PXMP4: variants seen among roughly 807,000 people sequenced by gnomAD.
PXMP4 encodes 24 kDa peroxisomal intrinsic membrane protein.
A neutral mutation model predicts 21.6 loss-of-function variants in PXMP4; 16 were observed. The ratio of observed to expected loss-of-function variants is 0.74; its 90% CI spans 0.50 to 1.13. The LOEUF is 1.13. PXMP4 is among the 50% of genes most tolerant of loss of function. The pLI, the probability that PXMP4 is intolerant of heterozygous loss-of-function variation, is 0.00. For synonymous variants in PXMP4, 127 were observed against 123.8 expected (o/e 1.03, Z -0.17); for missense variants, 240 against 277.7 (o/e 0.86, Z 0.96).
At position 33,710,773 on chromosome 20, in the gene PXMP4, C is replaced by T. The variant is rs1362800828; in HGVS notation, c.177-20G>A. The T allele has an allele frequency of 6.3e-7, 1 of 1,575,454 alleles. No homozygotes were observed. The highest frequency in any genetic ancestry group is 2.3e-5 in the East Asian group (1 of 43,606). On this transcript the variant is annotated intron_variant, in intron 2 of 3. Transcript: ENST00000409299. ...TGGAGGCTGCACAAACACAGGTGCCCCTGCCATGAGTGCAGGCTCAGCAGC... is the reference window on the plus strand; with the variant it reads ...TGGAGGCTGCACAAACACAGGTGCCTCTGCCATGAGTGCAGGCTCAGCAGC...
At chr20:33,713,905 T>C (rs568824487) in intron 2 of PXMP4, among the ~76,000 whole-genome samples, 1 of 151,696 alleles carries the variant, frequency 6.6e-6, no homozygotes, top group Non-Finnish European at 1.5e-5. Context: ...GACAGGAAGG[T>C]GAAGATGCTT....
At chr20:33,713,598 C>T (rs186742425) in intron 2 of PXMP4, among the ~76,000 whole-genome samples, 1 of 152,302 alleles carries the variant, frequency 6.6e-6, no homozygotes, top group African/African-American at 2.4e-5. Context: ...CCGTTTTGTT[C>T]ACTGCTGTAT....
In PXMP4 at chr20:33,705,049, G is replaced by A. The variant is rs1251103581; in HGVS notation, c.*2657C>T. The stretch of plus-strand genomic sequence containing the variant: ...CTTACTCTGTCACCCAGGCTGAAGT[G>A]TAATGGAACTATCTCGGCTCACAGC... On this transcript the variant is annotated 3_prime_UTR_variant, in exon 4 of 4. Coordinates refer to ENST00000409299, the MANE Select transcript of PXMP4 (RefSeq NM_007238.5). The A allele has an allele frequency of 4.3e-5, 6 of 140,726 alleles. No individual in the cohort carries two copies. In the East Asian group the frequency reaches 1.2e-3, roughly 29 times the overall value. The allele number at this position is 140,726 out of a possible 1,614,324, so 8.7% of individuals were successfully genotyped here.
chr20:33,714,735 A>G lies in PXMP4; in HGVS notation c.115T>C (p.Tyr39His). The G allele has an allele frequency of 6.2e-7, 1 of 1,613,874 alleles. No individual in the cohort carries two copies. Among genetic ancestry groups the G allele is most frequent in the Non-Finnish European group, 8.5e-7 (1 of 1,179,828 alleles). Residue 39 changes from tyrosine (Y) to histidine (H), a missense_variant and splice_region_variant, in exon 2 of 4, where the codon TAT (tyrosine) becomes CAT (histidine). Coordinates refer to ENST00000409299, the MANE Select transcript of PXMP4 (RefSeq NM_007238.5). The stretch of plus-strand genomic sequence containing the variant: ...TGAGGGGCCCGGATTTTGGCTCCAT[A>G]GCTGTAGAAACAGAAGAAAACAGTT... ...VLKGFRNGAV[Y>H]GAKIRAPHAL...
intron 1 of PXMP4, among the ~76,000 whole-genome samples, chr20:33,718,158 C>A (rs568935707): frequency 2.7e-4 from 41 of 151,982 alleles, no homozygotes; most frequent in Non-Finnish European, 4.9e-4. Flanking sequence ...TATTGTCTCC[C>A]CAAATATACA....
chr20:33,712,093 G>A (rs1182401760), intron 2 of PXMP4, among the ~76,000 whole-genome samples: 2 of 152,054 alleles, frequency 1.3e-5, no homozygotes, highest in Non-Finnish European at 2.9e-5. Flanking sequence ...AAGGCTAGAC[G>A]AAGACCCTAA....
At chr20:33,711,127 A>T (rs2018321457) in intron 2 of PXMP4, among the ~76,000 whole-genome samples, 1 of 152,198 alleles carries the variant, frequency 6.6e-6, no homozygotes, top group African/African-American at 2.4e-5. Flanking sequence ...CTTGGCACGT[A>T]GTAGGTGCTT....
chr20:33,708,533 G>C (rs1482260580), intron 3 of PXMP4, among the ~76,000 whole-genome samples: 1 of 150,102 alleles, frequency 6.7e-6, no homozygotes, highest in East Asian at 1.9e-4. Context: ...GCTTACTTTG[G>C]ATGTAGTTAA....
rs976129091 is a variant in PXMP4, at chr20:33,704,022, C to T, written c.*3684G>A. 6.6e-6 allele frequency: 1 copy of T among 152,426 alleles called. No individual in the cohort carries two copies. The highest frequency in any genetic ancestry group is 2.4e-5 in the African/African-American group (1 of 41,448). The allele number at this position is 152,426 out of a possible 1,614,324, so 9.4% of individuals were successfully genotyped here. ...CAACCCCTAGAGCAGCAGTCCCCAACCTTTTTGGCACCAGGGACCAGTTTT... is the reference window on the plus strand; with the variant it reads ...CAACCCCTAGAGCAGCAGTCCCCAATCTTTTTGGCACCAGGGACCAGTTTT... On this transcript the variant is annotated 3_prime_UTR_variant, in exon 4 of 4. Transcript: ENST00000409299.
chr20:33,716,798 A>T (rs2018387214), intron 1 of PXMP4, among the ~76,000 whole-genome samples: 1 of 152,198 alleles, frequency 6.6e-6, no homozygotes, highest in Non-Finnish European at 1.5e-5. Context: ...AGCTTAGCTC[A>T]TCTTAAAGTT....
chr20:33,718,538 A>C (rs2018409922), intron 1 of PXMP4, among the ~76,000 whole-genome samples: 2 of 132,720 alleles, frequency 1.5e-5, no homozygotes, highest in Admixed American at 7.7e-5. Flanking sequence ...AAAAAAAAAA[A>C]AACTTGGCAA....
In PXMP4 at chr20:33,714,708, C is replaced by T. The variant is rs544500434; in HGVS notation, c.142G>A (p.Ala48Thr). Residue 48 changes from alanine to threonine, a missense_variant, in exon 2 of 4, where the codon GCG becomes ACG. Coordinates refer to ENST00000409299, the MANE Select transcript of PXMP4 (RefSeq NM_007238.5). Reference protein sequence around the residue: ...VYGAKIRAPHALVMTFLFRNG... With the variant: ...VYGAKIRAPHTLVMTFLFRNG... Reference sequence around the variant, plus strand: ...CGGAAGAGAAAGGTCATGACCAGCGCGTGAGGGGCCCGGATTTTGGCTCCA... The same window carrying T: ...CGGAAGAGAAAGGTCATGACCAGCGTGTGAGGGGCCCGGATTTTGGCTCCA... 2.0e-5 allele frequency: 33 copies of T among 1,614,036 alleles called. No homozygotes were observed. The highest frequency in any genetic ancestry group is 1.6e-4 in the Middle Eastern group (1 of 6,062).
chr20:33,716,901 TA>T (rs2018388655), intron 1 of PXMP4, among the ~76,000 whole-genome samples: 1 of 152,162 alleles, frequency 6.6e-6, no homozygotes, highest in Non-Finnish European at 1.5e-5. Context: ...CTCAACTTTG[TA>T]AAAATGCATT....
intron 2 of PXMP4, 41 bp downstream of exon 2, chr20:33,714,633 G>A (rs753474034): frequency 6.3e-7 from 1 of 1,589,842 alleles, no homozygotes; most frequent in Non-Finnish European, 8.6e-7. Flanking sequence ...TCCTGGCACT[G>A]AGGGCTGACC....
Position 33,703,328 on chromosome 20 carries a change from C to A in PXMP4, c.*4378G>T, listed in dbSNP as rs1466292398. Reference sequence around the variant, plus strand: ...CTTTAACTGTGTCATATTCTTTAACCCTCCACACCACTCGATGAGGTGTGT... The same window carrying A: ...CTTTAACTGTGTCATATTCTTTAACACTCCACACCACTCGATGAGGTGTGT... On this transcript the variant is annotated 3_prime_UTR_variant, in exon 4 of 4. Coordinates refer to ENST00000409299, the MANE Select transcript of PXMP4 (RefSeq NM_007238.5). 1 of 152,238 alleles carries A rather than the reference C, an allele frequency of 6.6e-6. No individual in the cohort carries two copies. Among genetic ancestry groups the A allele is most frequent in the Non-Finnish European group, 1.5e-5 (1 of 68,048 alleles). The allele number at this position is 152,238 out of a possible 1,614,324, so 9.4% of individuals were successfully genotyped here. A position where few individuals can be genotyped will look rare whatever the true frequency, so the allele number is the denominator to read the frequency against.
chr20:33,718,442 C>T (rs919027559), intron 1 of PXMP4, among the ~76,000 whole-genome samples: 3 of 133,148 alleles, frequency 2.3e-5, no homozygotes, highest in Non-Finnish European at 4.6e-5. Flanking sequence ...ACCTGGGAGA[C>T]GGAGCTTGCA....
chr20:33,713,308 C>T (rs923648160), intron 2 of PXMP4, among the ~76,000 whole-genome samples: 5 of 152,192 alleles, frequency 3.3e-5, no homozygotes, highest in African/African-American at 1.2e-4. Flanking sequence ...AAGGTCTTTG[C>T]ACTGGCTATG....
chr20:33,712,448 AT>A lies in PXMP4; in HGVS notation c.177-1696del, dbSNP rs1018942123. ...CCAATCTGTTCTTAACCTGGCAGCAATTTTTTTTTTTTTTCCTCTGAGATGG... is the reference window on the plus strand; with the variant it reads ...CCAATCTGTTCTTAACCTGGCAGCAATTTTTTTTTTTTTCCTCTGAGATGG... On this transcript the variant is annotated intron_variant, in intron 2 of 3. Transcript: ENST00000409299. Among the ~76,000 whole-genome samples, 302 of 142,832 alleles carry A rather than the reference AT, an allele frequency of 2.1e-3. 1 individual carries two copies. The highest frequency in any genetic ancestry group is 3.8e-3 in the African/African-American group (149 of 39,184). The allele number at this position is 142,832 out of a possible 152,430, so 93.7% of individuals were successfully genotyped here.
rs778791183 is a variant in PXMP4 at position 33,720,258 on chromosome 20, G to A, written c.-51C>T. On this transcript the variant is annotated 5_prime_UTR_variant, in exon 1 of 4. Transcript: ENST00000409299. ...GTTAGGAACTGTAAGCGCACTGACA[G>A]CCGGAGGTTCCAGCTGCGCGCCCAC... 1 of 1,516,870 alleles carries A rather than the reference G, an allele frequency of 6.6e-7. No individual in the cohort carries two copies. Among genetic ancestry groups the A allele is most frequent in the South Asian group, 1.2e-5 (1 of 85,314 alleles). 94.0% of individuals were successfully genotyped at this position (1,516,870 alleles called of 1,614,324 possible).
Sources: allele counts gnomAD v4.1 joint callset (sites outside exome capture counted in the v4.1 genomes callset), GRCh38; gene constraint gnomAD v4.1.1; transcripts MANE v1.5; gene names NCBI Gene and HGNC (gene_info 2026-07-23, HGNC 2026-07-21).